Variants in NAALADL2 observed in about 807,000 individuals in gnomAD.
NAALADL2 encodes the protein N-acetylated alpha-linked acidic dipeptidase like 2.
Under a neutral mutation model 87.2 loss-of-function variants are expected in NAALADL2, and 76 were observed. The observed-to-expected ratio is 0.87, with a 90% CI of 0.72 to 1.05. NAALADL2 has a LOEUF of 1.05. Among genes scored for constraint, NAALADL2 ranks in the 50% least tolerant of loss-of-function variants. The probability of loss-of-function intolerance (pLI) is 0.00; values close to 1 mark genes in which losing one functional copy is unlikely to be tolerated. For synonymous variants in NAALADL2, 354 were observed against 331.0 expected (o/e 1.07, Z -0.75); for missense variants, 1,089 against 945.8 (o/e 1.15, Z -1.99).
chr3:174,918,661 G>A (rs1446926789), intron 1 of NAALADL2, among the ~76,000 whole-genome samples: 3 of 152,202 alleles, frequency 2.0e-5, no homozygotes, highest in Non-Finnish European at 2.9e-5. Flanking sequence ...GGCCAAGAAG[G>A]GGGGCCCATA....
intron 2 of NAALADL2, among the ~76,000 whole-genome samples, chr3:175,202,667 G>A (rs1166513002): frequency 6.6e-6 from 1 of 152,086 alleles, no homozygotes; most frequent in Non-Finnish European, 1.5e-5. Flanking sequence ...GCAGTAGGCA[G>A]GTCCCTAGAA....
At chr3:175,632,045 G>T (rs1010743631) in intron 11 of NAALADL2, among the ~76,000 whole-genome samples, 6 of 151,858 alleles carry the variant, frequency 4.0e-5, no homozygotes, top group African/African-American at 1.5e-4. Context: ...TAGTAATGTG[G>T]ACAAAATATG....
At chr3:174,712,591 G>C (rs1730759256) in intron 2 of NAALADL2, among the ~76,000 whole-genome samples, 1 of 151,190 alleles carries the variant, frequency 6.6e-6, no homozygotes, top group South Asian at 2.1e-4. Context: ...TTTCACCACT[G>C]TAGCCAGGAT....
chr3:175,375,229 A>G (rs1005108803), intron 5 of NAALADL2, among the ~76,000 whole-genome samples: 2 of 151,990 alleles, frequency 1.3e-5, no homozygotes, highest in African/African-American at 4.8e-5. Flanking sequence ...AGTATTCTTA[A>G]TTTTTTTCTC....
chr3:174,987,564 G>A (rs1343583662), intron 1 of NAALADL2, among the ~76,000 whole-genome samples: 1 of 51,088 alleles, frequency 2.0e-5, no homozygotes, highest in Non-Finnish European at 2.9e-5. Context: ...GCGAGACTCC[G>A]TCTCAAAAAA....
chr3:174,859,317 T>C, upstream of NAALADL2: 1 of 912,458 alleles, frequency 1.1e-6, no homozygotes, highest in Non-Finnish European at 1.8e-6. Flanking sequence ...ACTGTTACAA[T>C]ACTACAGTAG....
At chr3:175,378,156 G>A (rs552554000) in intron 5 of NAALADL2, among the ~76,000 whole-genome samples, 2 of 150,762 alleles carry the variant, frequency 1.3e-5, no homozygotes, top group South Asian at 2.1e-4. Context: ...CACTGCCATG[G>A]GGCCTACACA....
chr3:174,924,324 T>G (rs1333986799), intron 1 of NAALADL2, among the ~76,000 whole-genome samples: 1 of 151,112 alleles, frequency 6.6e-6, no homozygotes, highest in Non-Finnish European at 1.5e-5. Context: ...TGGTTTTTTG[T>G]CCCTGTGATA....
At chr3:174,955,083 C>T (rs938451262) in intron 1 of NAALADL2, among the ~76,000 whole-genome samples, 12 of 152,184 alleles carry the variant, frequency 7.9e-5, no homozygotes, top group African/African-American at 2.4e-4. Context: ...TTTTCTCTTA[C>T]TCCAAGAAAG....
chr3:175,742,545 C>G (rs1169857940), intron 12 of NAALADL2, among the ~76,000 whole-genome samples: 18 of 151,798 alleles, frequency 1.2e-4, no homozygotes, highest in Admixed American at 1.2e-3. Flanking sequence ...CTACAGGCGC[C>G]CACCACCACA....
chr3:175,061,079 A>G (rs907590079), intron 1 of NAALADL2, among the ~76,000 whole-genome samples: 1 of 152,168 alleles, frequency 6.6e-6, no homozygotes, highest in Admixed American at 6.5e-5. Flanking sequence ...AGAGAAGCAT[A>G]ATGTATTTGT....
intron 1 of NAALADL2, among the ~76,000 whole-genome samples, chr3:174,907,572 A>G (rs1733129569): frequency 1.3e-5 from 2 of 152,110 alleles, no homozygotes; most frequent in African/African-American, 4.8e-5. Flanking sequence ...TTAGAGAAAA[A>G]CCACGTCCCT....
intron 9 of NAALADL2, among the ~76,000 whole-genome samples, chr3:175,477,725 A>G (rs942114984): frequency 6.6e-6 from 1 of 152,166 alleles, no homozygotes; most frequent in African/African-American, 2.4e-5. Context: ...GTGGAAAACA[A>G]TGTGAGATGA....
Position 175,048,853 on chromosome 3 carries a change from G to C in NAALADL2, c.44-47937G>C, listed in dbSNP as rs546776586. ...CACCCTGGGAGTGGCTGCATTAGGTGAAATCACAGAACCATATGGTGGCCT... is the reference window on the plus strand; with the variant it reads ...CACCCTGGGAGTGGCTGCATTAGGTCAAATCACAGAACCATATGGTGGCCT... On this transcript the variant is annotated intron_variant, in intron 1 of 13. Transcript: ENST00000454872. 7.9e-5 allele frequency among the ~76,000 whole-genome samples: 12 copies of C among 152,238 alleles called. No homozygotes were observed. The South Asian group carries it at 2.5e-3, about 32-fold the overall frequency.
At chr3:175,292,862 C>G (rs1276523417) in intron 4 of NAALADL2, among the ~76,000 whole-genome samples, 1 of 151,368 alleles carries the variant, frequency 6.6e-6, no homozygotes, top group African/African-American at 2.4e-5. Flanking sequence ...ACGGTGAAAC[C>G]CCGTCTCTAC....
intron 2 of NAALADL2, among the ~76,000 whole-genome samples, chr3:174,712,666 G>T (rs956418408): frequency 2.6e-5 from 4 of 151,956 alleles, no homozygotes; most frequent in South Asian, 2.1e-4. Context: ...GATTACAGGC[G>T]TCAGCTACCG....
intron 2 of NAALADL2, among the ~76,000 whole-genome samples, chr3:174,663,810 C>T (rs1364109058): frequency 8.1e-5 from 11 of 136,548 alleles, no homozygotes; most frequent in Admixed American, 3.1e-4. Flanking sequence ...TTTTTTGAGA[C>T]AGAGTTTTGC....
chr3:175,788,036 T>A (rs1045856410), intron 13 of NAALADL2, among the ~76,000 whole-genome samples: 1 of 151,832 alleles, frequency 6.6e-6, no homozygotes, highest in Non-Finnish European at 1.5e-5. Context: ...CTTCCAGTCC[T>A]TCAAGCTTCA....
At chr3:175,027,840 C>T (rs990591832) in intron 1 of NAALADL2, among the ~76,000 whole-genome samples, 6 of 151,810 alleles carry the variant, frequency 4.0e-5, no homozygotes, top group African/African-American at 1.2e-4. Context: ...GCTTTTTAAG[C>T]TTTCAGGTCT....
Sources: allele counts gnomAD v4.1 joint callset (sites outside exome capture counted in the v4.1 genomes callset), GRCh38; gene constraint gnomAD v4.1.1; transcripts MANE v1.5; gene names NCBI Gene and HGNC (gene_info 2026-07-23, HGNC 2026-07-21).